Variants in ITGB7 observed in about 807,000 individuals in gnomAD.
The protein encoded by ITGB7 is integrin beta-7.
ITGB7 carries 55 observed loss-of-function variants against 83.4 expected under a neutral mutation model. The ratio of observed to expected loss-of-function variants is 0.66; its 90% CI spans 0.53 to 0.83. The LOEUF is 0.83. Ranked by LOEUF, ITGB7 falls within the 40% of genes least tolerant of loss-of-function variation. The pLI, the probability that ITGB7 is intolerant of heterozygous loss-of-function variation, is 0.00. For missense variants in ITGB7, 921 were observed against 1,046.7 expected, an observed-to-expected ratio of 0.88 and a Z score of 1.66; for synonymous variants, 454 against 423.6, an observed-to-expected ratio of 1.07 and a Z score of -0.88.
chr12:53,191,837 C>T (rs1401350785), intron 15 of ITGB7, 22 bp downstream of exon 15: 10 of 1,613,260 alleles, frequency 6.2e-6, no homozygotes, highest in Non-Finnish European at 7.6e-6. Context: ...TAAAAAGGGG[C>T]CTAACCAGGA....
rs1379173986 is a variant in ITGB7 at position 53,193,183 on chromosome 12, A to C, written c.1683T>G (p.Cys561Trp). 2 of 1,613,570 alleles carry C rather than the reference A, an allele frequency of 1.2e-6. No homozygotes were observed. Among genetic ancestry groups the C allele is most frequent in the Admixed American group, 3.3e-5 (2 of 59,992 alleles). ...CATGTCGCTCACAGCTGGCATCGTC[A>C]CACTCGCACAGATGCCCAGAGCTCT... is the stretch of plus-strand genomic sequence containing the variant. The part of the protein sequence containing the change: ...SGQSSGHLCE[C>W]DDASCERHEG... Residue 561 changes from cysteine (C) to tryptophan (W), a missense_variant, in exon 12 of 16, where the codon TGT (cysteine) becomes TGG (tryptophan). Coordinates refer to ENST00000267082, the MANE Select transcript of ITGB7 (RefSeq NM_000889.3).
Position 53,197,684 on chromosome 12 carries a change from G to A in ITGB7, c.404-21C>T. On this transcript the variant is annotated intron_variant, in intron 4 of 15. Transcript: ENST00000267082. ...CTCCCCTAGGGGGTGGGCGGCGGGC[G>A]GGTCAGCAGAGCGCATTGGAACGCC... The A allele has an allele frequency of 2.5e-6, 4 of 1,610,912 alleles. No individual in the cohort carries two copies. The East Asian group carries it at 9.0e-5, about 36-fold the overall frequency.
chr12:53,198,565 T>C (rs1287922451), intron 3 of ITGB7, among the ~76,000 whole-genome samples: 4 of 152,056 alleles, frequency 2.6e-5, no homozygotes, highest in African/African-American at 9.7e-5. Context: ...ACTCTGGTCC[T>C]TTCTTCCTTG....
rs1565709807 is a variant in ITGB7, at chr12:53,203,667, A to AAAAAG, written c.-126-2478_-126-2474dup. Among the ~76,000 whole-genome samples the AAAAAG allele has an allele frequency of 3.0e-3, 405 of 136,494 alleles. 2 individuals are homozygous for AAAAAG. The highest frequency in any genetic ancestry group is 3.8e-3 in the Non-Finnish European group (241 of 63,888). The allele number at this position is 136,494 out of a possible 152,430, so 89.5% of individuals were successfully genotyped here. On this transcript the variant is annotated intron_variant, in intron 1 of 15. Coordinates refer to ENST00000267082, the MANE Select transcript of ITGB7 (RefSeq NM_000889.3). ...TGTCTCAAAAAAAAAAAAAAAAAAA[A>AAAAAG]AAAAGAAAGAAAGAAAAGAAAAGAA...
chr12:53,204,833 C>CTTTT (rs763869314), intron 1 of ITGB7, among the ~76,000 whole-genome samples: 14 of 128,976 alleles, frequency 1.1e-4, no homozygotes, highest in African/African-American at 3.5e-4. Context: ...TTTTCTTTAC[C>CTTTT]TTTTTTTTTT....
chr12:53,192,543 G>T lies in ITGB7; in HGVS notation c.1947-5C>A, dbSNP rs753622565. 6.2e-7 allele frequency: 1 copy of T among 1,613,140 alleles called. No individual in the cohort carries two copies. The highest frequency in any genetic ancestry group is 8.5e-7 in the Non-Finnish European group (1 of 1,179,700). On this transcript the variant is annotated splice_polypyrimidine_tract_variant and splice_region_variant and intron_variant, in intron 13 of 15. Coordinates refer to ENST00000267082, the MANE Select transcript of ITGB7 (RefSeq NM_000889.3). ...GCCCCACACTCTGCACAGTCCCTGT[G>T]TAGTAGATGCCAATAGGTTACCAGC... is the stretch of plus-strand genomic sequence containing the variant.
rs1941940143 is a variant in ITGB7 at position 53,191,489 on chromosome 12, T to C, written c.*67A>G. ...TACCAAGGTCTTACAGACCCACCCT[T>C]CCTCTCACCCTCCAGTTCCCACTGT... On this transcript the variant is annotated 3_prime_UTR_variant, in exon 16 of 16. Coordinates refer to ENST00000267082, the MANE Select transcript of ITGB7 (RefSeq NM_000889.3). The C allele has an allele frequency of 1.6e-6, 2 of 1,286,460 alleles. No homozygotes were observed. Among genetic ancestry groups the C allele is most frequent in the African/African-American group, 1.5e-5 (1 of 68,456 alleles). 79.7% of individuals were successfully genotyped at this position (1,286,460 alleles called of 1,614,324 possible).
intron 1 of ITGB7, among the ~76,000 whole-genome samples, chr12:53,204,894 C>T (rs886754203): frequency 8.9e-5 from 12 of 134,918 alleles, no homozygotes; most frequent in South Asian, 2.3e-4. Flanking sequence ...AATGCAGTGG[C>T]GTGATGTACA....
rs776714306 is a variant in ITGB7 at position 53,197,824 on chromosome 12, G to A, written c.329C>T (p.Pro110Leu). 4 of 1,535,042 alleles carry A rather than the reference G, an allele frequency of 2.6e-6. No homozygotes were observed. The highest frequency in any genetic ancestry group is 1.4e-5 in the African/African-American group (1 of 72,790). ...RGQQEVLQDQ[P>L]LSQGARGEGA... ...CTCTCCGCGGGCGCCCTGGCTGAGCGGCTGGTCCTGCAGCACCTCCTGCTG... is the reference window on the plus strand; with the variant it reads ...CTCTCCGCGGGCGCCCTGGCTGAGCAGCTGGTCCTGCAGCACCTCCTGCTG... Residue 110 changes from proline (P) to leucine (L), a missense_variant, in exon 4 of 16, where the codon CCG (proline) becomes CTG (leucine). Pro to Leu is a moderately conservative substitution (Grantham distance 98). Transcript: ENST00000267082.
At position 53,192,003 on chromosome 12, in the gene ITGB7, C is replaced by T. The variant is rs140105532; in HGVS notation, c.2172G>A (p.Thr724=). Residue 724 remains threonine, a synonymous_variant, in exon 15 of 16, where the codon ACG becomes ACA. Transcript: ENST00000267082. ...VRPQEKGADH[T]QAIVLGCVGG... Reference sequence around the variant, plus strand: ...CTACGCAGCCCAGCACAATGGCCTGCGTGTGGTCTGCTCCCTCTGTGAACA... The same window carrying T: ...CTACGCAGCCCAGCACAATGGCCTGTGTGTGGTCTGCTCCCTCTGTGAACA... The T allele has an allele frequency of 1.6e-4, 265 of 1,612,882 alleles. No homozygotes were observed. The African/African-American group carries it at 2.5e-3, about 15-fold the overall frequency.
chr12:53,201,881 A>G lies in ITGB7; in HGVS notation c.-126-687T>C, dbSNP rs565195312. Among the ~76,000 whole-genome samples, 144 of 152,344 alleles carry G rather than the reference A, an allele frequency of 9.5e-4. No individual in the cohort carries two copies. In the South Asian group the frequency reaches 0.012, roughly 12 times the overall value. ...GTGTCACTGTACTTTGCCCTGGGCA[A>G]CAGAGTGAAACCCTGTCTCTTAAAA... On this transcript the variant is annotated intron_variant, in intron 1 of 15. Coordinates refer to ENST00000267082, the MANE Select transcript of ITGB7 (RefSeq NM_000889.3).
intron 3 of ITGB7, among the ~76,000 whole-genome samples, chr12:53,199,461 A>ACTT (rs377647198): frequency 3.9e-5 from 6 of 152,094 alleles, no homozygotes; most frequent in African/African-American, 1.2e-4. Flanking sequence ...CAAAACACAG[A>ACTT]CTTAGAAATC....
At chr12:53,202,134 G>A (rs74903506) in intron 1 of ITGB7, among the ~76,000 whole-genome samples, 4 of 151,938 alleles carry the variant, frequency 2.6e-5, no homozygotes, top group Non-Finnish European at 5.9e-5. Flanking sequence ...CGAGGCAGGT[G>A]GATCACTTGA....
At chr12:53,205,044 C>T (rs150972687) in intron 1 of ITGB7, among the ~76,000 whole-genome samples, 236 of 151,536 alleles carry the variant, frequency 1.6e-3, no homozygotes, top group African/African-American at 5.4e-3. Context: ...AGGCTGGTCT[C>T]GAACCCCTGA....
Position 53,197,703 on chromosome 12 carries a change from G to C in ITGB7, c.404-40C>G, listed in dbSNP as rs768155626. 5.0e-6 allele frequency: 8 copies of C among 1,603,280 alleles called. No individual in the cohort carries two copies. The Admixed American group carries it at 1.4e-4, about 27-fold the overall frequency. On this transcript the variant is annotated intron_variant, in intron 4 of 15. Transcript: ENST00000267082. ...GCGGGCGGGTCAGCAGAGCGCATTG[G>C]AACGCCAGCCTAGACCTCTGGCCTG...
rs376582355 is a variant in ITGB7, at chr12:53,191,736, T to C, written c.2317-100A>G. The C allele has an allele frequency of 9.2e-4, 1,400 of 1,519,278 alleles. 27 individuals carry two copies. In the South Asian group the frequency reaches 0.015, roughly 16 times the overall value. 94.1% of individuals were successfully genotyped at this position (1,519,278 alleles called of 1,614,324 possible). ...CCTTGAGCCGAATCCTAGGAGCTGATGGAAGTTAGCAGAGGGGTTGGTTAC... is the reference window on the plus strand; with the variant it reads ...CCTTGAGCCGAATCCTAGGAGCTGACGGAAGTTAGCAGAGGGGTTGGTTAC... On this transcript the variant is annotated intron_variant, in intron 15 of 15. Transcript: ENST00000267082.
chr12:53,191,442 C>G lies in ITGB7; in HGVS notation c.*114G>C. Reference sequence around the variant, plus strand: ...AAAATGAAGTAGGGTGGTGGCCGCACCTCGCCAGTGAATTAGTCCCCTACC... The same window carrying G: ...AAAATGAAGTAGGGTGGTGGCCGCAGCTCGCCAGTGAATTAGTCCCCTACC... On this transcript the variant is annotated 3_prime_UTR_variant, in exon 16 of 16. Coordinates refer to ENST00000267082, the MANE Select transcript of ITGB7 (RefSeq NM_000889.3). 1 of 847,736 alleles carries G rather than the reference C, an allele frequency of 1.2e-6. No individual in the cohort carries two copies. The highest frequency in any genetic ancestry group is 1.4e-5 in the South Asian group (1 of 73,404). 52.5% of individuals were successfully genotyped at this position (847,736 alleles called of 1,614,324 possible). A position where few individuals can be genotyped will look rare whatever the true frequency, so the allele number is the denominator to read the frequency against.
intron 1 of ITGB7, among the ~76,000 whole-genome samples, chr12:53,201,625 G>C (rs946419104): frequency 6.7e-6 from 1 of 148,984 alleles, no homozygotes; most frequent in African/African-American, 2.6e-5. Context: ...AAGTCAAAAA[G>C]TTAAATCCCA....
At position 53,193,879 on chromosome 12, in the gene ITGB7, T is replaced by C; in HGVS notation, c.1331A>G (p.Gln444Arg). ...NQTVTFWVSL[Q>R]ATHCLPEPHL... ...GGGCTCTGGGAGGCAGTGGGTGGCT[T>C]GGAGAGAAACCCAGAAAGTCACCTG... Residue 444 changes from glutamine to arginine, a missense_variant, in exon 11 of 16, where the codon CAA (glutamine) becomes CGA (arginine). Transcript: ENST00000267082. The C allele has an allele frequency of 1.2e-6, 2 of 1,613,166 alleles. No individual in the cohort carries two copies. Among genetic ancestry groups the C allele is most frequent in the Non-Finnish European group, 1.7e-6 (2 of 1,179,630 alleles).
Sources: allele counts gnomAD v4.1 joint callset (sites outside exome capture counted in the v4.1 genomes callset), GRCh38; gene constraint gnomAD v4.1.1; transcripts MANE v1.5; gene names NCBI Gene and HGNC (gene_info 2026-07-23, HGNC 2026-07-21).